ZMYM5: variants seen among roughly 807,000 people sequenced by gnomAD.
ZMYM5 encodes zinc finger MYM-type protein 5.
ZMYM5 carries 41 observed loss-of-function variants against 61.8 expected under a neutral mutation model. The ratio of observed to expected loss-of-function variants is 0.66; its 90% confidence interval spans 0.52 to 0.86. The LOEUF (loss-of-function observed/expected upper bound fraction) is 0.86, where lower values mean the gene tolerates loss of function less well. Among genes scored for constraint, ZMYM5 ranks in the 40% least tolerant of loss-of-function variants. ZMYM5 has a pLI of 0.00. For missense variants in ZMYM5, 706 were observed against 786.7 expected (o/e 0.90, Z 1.23); for synonymous variants, 257 against 276.4 (o/e 0.93, Z 0.70).
chr13:19,848,916 T>C (rs1953182445), intron 4 of ZMYM5, among the ~76,000 whole-genome samples: 1 of 151,946 alleles, frequency 6.6e-6, no homozygotes, highest in Admixed American at 6.6e-5. Context: ...ATATATCTAA[T>C]AATAGAAATA....
chr13:19,843,960 C>A (rs1003051503), intron 4 of ZMYM5, among the ~76,000 whole-genome samples: 3 of 151,460 alleles, frequency 2.0e-5, no homozygotes, highest in African/African-American at 7.3e-5. Flanking sequence ...ATGGTGAAAC[C>A]CTGTCTCTTC....
intron 7 of ZMYM5, 73 bp downstream of exon 7, chr13:19,835,404 A>G (rs952339544): frequency 9.7e-7 from 1 of 1,035,466 alleles, no homozygotes; most frequent in Non-Finnish European, 1.3e-6. Flanking sequence ...TCTAAGATAA[A>G]TCCGGTTCAT....
intron 7 of ZMYM5, among the ~76,000 whole-genome samples, 164 bp downstream of exon 7, chr13:19,835,313 C>T (rs1212836649): frequency 6.6e-6 from 1 of 152,064 alleles, no homozygotes; most frequent in East Asian, 1.9e-4. Context: ...ATTTTTAAAA[C>T]AAGCTTACAA....
chr13:19,852,753 A>G (rs957401369), intron 2 of ZMYM5, among the ~76,000 whole-genome samples: 1 of 152,198 alleles, frequency 6.6e-6, no homozygotes, highest in Non-Finnish European at 1.5e-5. Flanking sequence ...GATAGTAGCT[A>G]TAATTTACTC....
chr13:19,854,143 G>T (rs933406735), intron 2 of ZMYM5, among the ~76,000 whole-genome samples: 35 of 152,100 alleles, frequency 2.3e-4, no homozygotes, highest in African/African-American at 8.4e-4. Flanking sequence ...CCAAGTAGCT[G>T]GGAGTACAGG....
intron 2 of ZMYM5, among the ~76,000 whole-genome samples, chr13:19,855,745 C>T (rs1447672058): frequency 2.0e-5 from 3 of 151,700 alleles, no homozygotes; most frequent in African/African-American, 4.8e-5. Flanking sequence ...GGTGCAGTGG[C>T]TCATGCCTGT....
At chr13:19,845,229 G>A (rs560419109) in intron 4 of ZMYM5, among the ~76,000 whole-genome samples, 7 of 152,120 alleles carry the variant, frequency 4.6e-5, no homozygotes, top group Admixed American at 2.6e-4. Flanking sequence ...ACAAAATAAG[G>A]TTTTATAGTC....
chr13:19,840,426 T>C (rs1952827052), intron 4 of ZMYM5, among the ~76,000 whole-genome samples: 1 of 152,200 alleles, frequency 6.6e-6, no homozygotes, highest in African/African-American at 2.4e-5. Context: ...CAGTCTGAAG[T>C]GCAGTGGCAT....
At chr13:19,845,863 G>T (rs1016435376) in intron 4 of ZMYM5, among the ~76,000 whole-genome samples, 1 of 152,136 alleles carries the variant, frequency 6.6e-6, no homozygotes, top group African/African-American at 2.4e-5. Context: ...TCAAAATCTA[G>T]AGTAGTTTTA....
Position 19,831,691 on chromosome 13 carries a change from T to G in ZMYM5, c.1251+3786A>C, listed in dbSNP as rs563926086. On this transcript the variant is annotated intron_variant, in intron 7 of 7. Coordinates refer to ENST00000337963, the MANE Select transcript of ZMYM5 (RefSeq NM_001142684.2). ...GATGCGCACCTGTAATCCCAGCTAC[T>G]TGGGAGGCTGAGGCAGGAGAATCGC... Among the ~76,000 whole-genome samples, 54 of 140,920 alleles carry G rather than the reference T, an allele frequency of 3.8e-4. No homozygotes were observed. In the South Asian group the frequency reaches 0.013, roughly 33 times the overall value. The allele number at this position is 140,920 out of a possible 152,430, so 92.4% of individuals were successfully genotyped here.
At chr13:19,849,471 C>T (rs888235486) in intron 4 of ZMYM5, among the ~76,000 whole-genome samples, 1 of 151,992 alleles carries the variant, frequency 6.6e-6, no homozygotes, top group African/African-American at 2.4e-5. Flanking sequence ...TTAAGTAAAT[C>T]AGCAGGATAC....
chr13:19,837,938 A>G (rs1196666282), intron 5 of ZMYM5, 117 bp from the exon 6 acceptor site: 2 of 1,207,846 alleles, frequency 1.7e-6, no homozygotes, highest in African/African-American at 1.6e-5. Context: ...GAAATCAAGT[A>G]TAACTTTTAG....
At chr13:19,857,023 G>A (rs953264157) in intron 2 of ZMYM5, among the ~76,000 whole-genome samples, 3 of 150,674 alleles carry the variant, frequency 2.0e-5, no homozygotes, top group Admixed American at 6.6e-5. Context: ...GGAGAATGGC[G>A]TGAACCCGGG....
intron 7 of ZMYM5, among the ~76,000 whole-genome samples, chr13:19,831,802 A>AC (rs1170368323): frequency 2.0e-5 from 3 of 150,706 alleles, no homozygotes; most frequent in East Asian, 2.0e-4. Flanking sequence ...AAAAAAAAAA[A>AC]AAAAAAAAAA....
intron 7 of ZMYM5, among the ~76,000 whole-genome samples, chr13:19,831,005 A>G (rs1190229280): frequency 6.6e-6 from 1 of 151,560 alleles, no homozygotes; most frequent in African/African-American, 2.4e-5. Flanking sequence ...ACGCCCGGCT[A>G]ATTTTTTGTA....
At chr13:19,850,023 T>C (rs1320372127) in intron 4 of ZMYM5, among the ~76,000 whole-genome samples, 2 of 150,662 alleles carry the variant, frequency 1.3e-5, no homozygotes, top group African/African-American at 4.9e-5. Flanking sequence ...GGCAACAACA[T>C]GATTAGGTTC....
At chr13:19,832,294 T>C (rs565265101) in intron 7 of ZMYM5, among the ~76,000 whole-genome samples, 1 of 152,142 alleles carries the variant, frequency 6.6e-6, no homozygotes, top group Non-Finnish European at 1.5e-5. Flanking sequence ...AACCTTTAAC[T>C]TAGCAAGAAC....
At position 19,824,595 on chromosome 13, in the gene ZMYM5, T is replaced by C. The variant is rs1245115199; in HGVS notation, c.1892A>G (p.Asn631Ser). 3 of 1,317,566 alleles carry C rather than the reference T, an allele frequency of 2.3e-6. No homozygotes were observed. Among genetic ancestry groups the C allele is most frequent in the Non-Finnish European group, 3.0e-6 (3 of 996,046 alleles). The allele number at this position is 1,317,566 out of a possible 1,614,324, so 81.6% of individuals were successfully genotyped here. A position where few individuals can be genotyped will look rare whatever the true frequency, so the allele number is the denominator to read the frequency against. ...KHEESEMHVN[N>S]SVKYSKLKSD... is the part of the protein sequence containing the mutation. Reference sequence around the variant, plus strand: ...TTTTAATTTTGAGTACTTAACACTATTGTTGACGTGCATTTCACTTTCTTC... The same window carrying C: ...TTTTAATTTTGAGTACTTAACACTACTGTTGACGTGCATTTCACTTTCTTC... The change falls in exon 8 of 8, where the codon AAT becomes AGT. Residue 631 changes from asparagine (N) to serine (S), a missense_variant. Coordinates refer to ENST00000337963, the MANE Select transcript of ZMYM5 (RefSeq NM_001142684.2).
intron 2 of ZMYM5, among the ~76,000 whole-genome samples, chr13:19,857,354 G>C (rs1391765721): frequency 6.6e-6 from 1 of 152,118 alleles, no homozygotes; most frequent in African/African-American, 2.4e-5. Flanking sequence ...GTAAAGATAA[G>C]GGTTAACATA....
Sources: gnomAD v4.1 joint callset for allele counts (sites outside exome capture counted in the v4.1 genomes callset) on GRCh38, gnomAD v4.1.1 for gene constraint, MANE v1.5 for transcripts, NCBI Gene and HGNC (gene_info 2026-07-23, HGNC 2026-07-21) for gene names.